Variants in SLC9A9 observed in about 807,000 individuals in gnomAD.
SLC9A9 encodes the protein solute carrier family 9 member A9.
A neutral mutation model predicts 77.8 loss-of-function variants in SLC9A9; 62 were observed. That is an observed-to-expected ratio of 0.80 (90% CI 0.65 to 0.98). The LOEUF is 0.98. SLC9A9 is among the 50% of genes least tolerant of loss of function. The pLI, the probability that SLC9A9 is intolerant of heterozygous loss-of-function variation, is 0.00. For missense variants in SLC9A9, 775 were observed against 774.9 expected, an observed-to-expected ratio of 1.00 and a Z score of 0.00; for synonymous variants, 320 against 283.5, an observed-to-expected ratio of 1.13 and a Z score of -1.29.
chr3:143,823,772 AT>A (rs2009230421), intron 2 of SLC9A9, among the ~76,000 whole-genome samples: 1 of 151,852 alleles, frequency 6.6e-6, no homozygotes, highest in Non-Finnish European at 1.5e-5. Flanking sequence ...TAAAAATAAA[AT>A]TTTAATAAAA....
At chr3:143,477,328 CA>C (rs2035493099) in intron 11 of SLC9A9, among the ~76,000 whole-genome samples, 11 of 102,076 alleles carry the variant, frequency 1.1e-4, no homozygotes, top group African/African-American at 3.4e-4. Flanking sequence ...AGGGCTTCTT[CA>C]ATTTTTTTTT....
intron 4 of SLC9A9, among the ~76,000 whole-genome samples, chr3:143,778,521 G>A (rs2007770392): frequency 6.6e-6 from 1 of 152,104 alleles, no homozygotes; most frequent in Non-Finnish European, 1.5e-5. Flanking sequence ...CTGTGTATCA[G>A]TGCCTAAGTA....
chr3:143,848,194 A>T lies in SLC9A9; in HGVS notation c.129T>A (p.Asn43Lys), dbSNP rs140007028. The change falls in exon 1 of 16, where the codon AAT (asparagine) becomes AAA (lysine). Residue 43 changes from asparagine to lysine, a missense_variant. Asn to Lys is a moderately conservative substitution (Grantham distance 94, BLOSUM62 0). Transcript: ENST00000316549. ...LTILTIWLFK[N>K]HRFRFLHETG... ...TTTCATGCAAGAAGCGGAATCGATG[A>T]TTTTTAAATAACCAGATTGTCAAAA... 1.1e-4 allele frequency: 185 copies of T among 1,613,904 alleles called. No homozygotes were observed. Among genetic ancestry groups the T allele is most frequent in the Middle Eastern group, 9.9e-4 (6 of 6,084 alleles).
At chr3:143,376,518 T>TAC (rs1413165868) in intron 13 of SLC9A9, among the ~76,000 whole-genome samples, 1 of 152,254 alleles carries the variant, frequency 6.6e-6, no homozygotes, top group East Asian at 1.9e-4. Flanking sequence ...TATGTATATA[T>TAC]ACACATAGGT....
At chr3:143,269,115 C>T (rs1335171557) in intron 14 of SLC9A9, 135 bp from the exon 15 acceptor site, 13 of 701,438 alleles carry the variant, frequency 1.9e-5, no homozygotes, top group South Asian at 1.2e-4. Context: ...AAGAAATTTG[C>T]CCTGCAAAAA....
chr3:143,718,452 T>G (rs2108801011), intron 4 of SLC9A9, among the ~76,000 whole-genome samples: 2 of 152,350 alleles, frequency 1.3e-5, no homozygotes, highest in East Asian at 1.9e-4. Flanking sequence ...CTGCCTTTGT[T>G]ACAGAATGAA....
chr3:143,318,874 T>C (rs1010570378), intron 14 of SLC9A9, among the ~76,000 whole-genome samples: 3 of 152,126 alleles, frequency 2.0e-5, no homozygotes, highest in Non-Finnish European at 4.4e-5. Flanking sequence ...TTGGGAGAGA[T>C]GAGCTTGAGC....
At chr3:143,291,007 T>G (rs1234322255) in intron 14 of SLC9A9, among the ~76,000 whole-genome samples, 7 of 152,178 alleles carry the variant, frequency 4.6e-5, no homozygotes, top group Non-Finnish European at 8.8e-5. Flanking sequence ...TCAAAAATGT[T>G]TGTTGCATAT....
chr3:143,806,087 C>T (rs1020752158), intron 2 of SLC9A9, among the ~76,000 whole-genome samples: 8 of 136,944 alleles, frequency 5.8e-5, no homozygotes, highest in Non-Finnish European at 1.3e-4. Flanking sequence ...CTTCCCACAT[C>T]CCCTACCCCC....
intron 6 of SLC9A9, among the ~76,000 whole-genome samples, chr3:143,612,813 A>C (rs2038044400): frequency 6.6e-6 from 1 of 152,222 alleles, no homozygotes; most frequent in South Asian, 2.1e-4. Context: ...CTGTGATTTC[A>C]ACTTGAATAT....
intron 6 of SLC9A9, among the ~76,000 whole-genome samples, chr3:143,602,427 C>T (rs141664865): frequency 1.7e-3 from 262 of 152,344 alleles, no homozygotes; most frequent in African/African-American, 6.0e-3. Context: ...CCAGCTGGAA[C>T]AGGTCAATTG....
At chr3:143,318,943 G>T (rs1446451272) in intron 14 of SLC9A9, among the ~76,000 whole-genome samples, 1 of 152,148 alleles carries the variant, frequency 6.6e-6, no homozygotes, top group African/African-American at 2.4e-5. Flanking sequence ...GTCAGAGAAG[G>T]CCACTAGCTC....
At chr3:143,395,763 A>C (rs549469731) in intron 12 of SLC9A9, among the ~76,000 whole-genome samples, 1 of 152,352 alleles carries the variant, frequency 6.6e-6, no homozygotes, top group South Asian at 2.1e-4. Flanking sequence ...AAAAAAACAA[A>C]CAACCCCATC....
chr3:143,666,333 C>T (rs181937973), intron 5 of SLC9A9, among the ~76,000 whole-genome samples: 2 of 152,246 alleles, frequency 1.3e-5, no homozygotes, highest in South Asian at 4.2e-4. Flanking sequence ...TGGGACATAT[C>T]TCAAAATAAT....
chr3:143,649,864 C>T (rs2038768304), intron 6 of SLC9A9, among the ~76,000 whole-genome samples: 2 of 152,100 alleles, frequency 1.3e-5, no homozygotes, highest in Non-Finnish European at 2.9e-5. Context: ...ACTTCAAAAC[C>T]ACGCAAAGAT....
intron 1 of SLC9A9, among the ~76,000 whole-genome samples, chr3:143,834,041 T>A (rs2009505175): frequency 6.6e-6 from 1 of 152,134 alleles, no homozygotes; most frequent in South Asian, 2.1e-4. Flanking sequence ...CAATCATGCT[T>A]TCATGTGAGA....
chr3:143,682,580 G>A (rs1278143616), intron 5 of SLC9A9, among the ~76,000 whole-genome samples: 1 of 151,986 alleles, frequency 6.6e-6, no homozygotes, highest in Non-Finnish European at 1.5e-5. Context: ...AACAAACTTA[G>A]TGGCTTAAAA....
At chr3:143,758,441 A>G (rs764134502) in intron 4 of SLC9A9, among the ~76,000 whole-genome samples, 25 of 152,084 alleles carry the variant, frequency 1.6e-4, no homozygotes, top group Admixed American at 5.9e-4. Context: ...CTTGCTACCT[A>G]TAGGACTTAA....
chr3:143,703,834 G>A (rs907868576), intron 4 of SLC9A9, among the ~76,000 whole-genome samples: 1 of 151,980 alleles, frequency 6.6e-6, no homozygotes, highest in African/African-American at 2.4e-5. Context: ...GAAAAAAAGA[G>A]AATGAAGACT....
Sources: allele counts gnomAD v4.1 joint callset (sites outside exome capture counted in the v4.1 genomes callset), GRCh38; gene constraint gnomAD v4.1.1; transcripts MANE v1.5; gene names NCBI Gene and HGNC (gene_info 2026-07-23, HGNC 2026-07-21).